Variants in SCARA5 observed in about 807,000 individuals in gnomAD.
The protein encoded by SCARA5 is scavenger receptor class A, member 5 (putative).
SCARA5 carries 45 observed loss-of-function variants against 46.3 expected under a neutral mutation model. The ratio of observed to expected loss-of-function variants is 0.97; its 90% CI spans 0.76 to 1.24. SCARA5 has a LOEUF of 1.24. Among genes scored for constraint, SCARA5 ranks in the 50% most tolerant of loss-of-function variants. The probability of loss-of-function intolerance (pLI) is 0.00; values close to 1 mark genes in which losing one functional copy is unlikely to be tolerated. For missense variants in SCARA5, 680 were observed against 689.0 expected, an observed-to-expected ratio of 0.99 and a Z score of 0.15; for synonymous variants, 333 against 306.5, an observed-to-expected ratio of 1.09 and a Z score of -0.90.
At position 27,919,989 on chromosome 8, in the gene SCARA5, G is replaced by A. The variant is rs182354590; in HGVS notation, c.916+1582C>T. Among the ~76,000 whole-genome samples, 154 of 151,440 alleles carry A rather than the reference G, an allele frequency of 1.0e-3. 4 individuals are homozygous for A. Among genetic ancestry groups the A allele is most frequent in the Non-Finnish European group, 1.2e-4 (8 of 67,912 alleles). ...GGGGAGCCACAGTGGGCTTTGAGCAGGGGGATGACGTGGGAGAAGTGCATT... is the reference window on the plus strand; with the variant it reads ...GGGGAGCCACAGTGGGCTTTGAGCAAGGGGATGACGTGGGAGAAGTGCATT... On this transcript the variant is annotated intron_variant, in intron 4 of 8. Coordinates refer to ENST00000354914, the MANE Select transcript of SCARA5 (RefSeq NM_173833.6).
chr8:27,872,160 G>A, intron 8 of SCARA5, 90 bp from the exon 9 acceptor site: 5 of 1,416,388 alleles, frequency 3.5e-6, no homozygotes, highest in Non-Finnish European at 4.9e-6. Context: ...CCTTGACTTG[G>A]CTCTGCTGTA....
At chr8:27,937,444 T>G (rs1469490232) in intron 3 of SCARA5, among the ~76,000 whole-genome samples, 1 of 152,186 alleles carries the variant, frequency 6.6e-6, no homozygotes, top group Non-Finnish European at 1.5e-5. Flanking sequence ...CCTGGGGGCA[T>G]GAGGCCCCAG....
intron 2 of SCARA5, among the ~76,000 whole-genome samples, chr8:27,978,332 G>A (rs1310915633): frequency 2.0e-5 from 3 of 151,804 alleles, no homozygotes; most frequent in African/African-American, 4.8e-5. Flanking sequence ...CACCTGGCCA[G>A]ATTCTTGTGT....
chr8:27,989,450 GA>G (rs1715271283), intron 1 of SCARA5, among the ~76,000 whole-genome samples: 1 of 152,120 alleles, frequency 6.6e-6, no homozygotes, highest in Non-Finnish European at 1.5e-5. Flanking sequence ...TTCATGACTT[GA>G]GCTTGGCCTC....
chr8:27,904,526 G>A (rs571126595), intron 7 of SCARA5: 45 of 556,624 alleles, frequency 8.1e-5, no homozygotes, highest in East Asian at 5.2e-4. Flanking sequence ...GCGAGTGACC[G>A]GGGGAAGCCT....
Position 27,879,567 on chromosome 8 carries a change from AC to A in SCARA5, c.1351+1del. 1 of 1,605,690 alleles carries A rather than the reference AC, an allele frequency of 6.2e-7. No homozygotes were observed. Among genetic ancestry groups the A allele is most frequent in the Non-Finnish European group, 8.5e-7 (1 of 1,179,830 alleles). On this transcript the variant is annotated splice_donor_variant, in intron 8 of 8. Transcript: ENST00000354914. LOFTEE classifies it high-confidence loss of function. ...ATGTTTTTTGCCCTCAGAGCGCCTTACCTTGCCCGAATCGAGCTGTGCGGTA... is the reference window on the plus strand; with the variant it reads ...ATGTTTTTTGCCCTCAGAGCGCCTTACTTGCCCGAATCGAGCTGTGCGGTA...
At chr8:27,940,527 C>A (rs1013291970) in intron 3 of SCARA5, among the ~76,000 whole-genome samples, 9 of 152,186 alleles carry the variant, frequency 5.9e-5, no homozygotes, top group East Asian at 1.9e-4. Flanking sequence ...GGCTTGTATG[C>A]ATATTTCTCA....
At chr8:27,916,679 A>C (rs1480042462) in intron 4 of SCARA5, among the ~76,000 whole-genome samples, 1 of 152,186 alleles carries the variant, frequency 6.6e-6, no homozygotes, top group Non-Finnish European at 1.5e-5. Context: ...ATACGTTCAG[A>C]TATACCAGCA....
Position 27,922,264 on chromosome 8 carries a change from G to A in SCARA5, c.242-19C>T, listed in dbSNP as rs1807610425. 2.0e-6 allele frequency: 3 copies of A among 1,498,702 alleles called. No individual in the cohort carries two copies. The African/African-American group carries it at 4.3e-5, about 21-fold the overall frequency. 92.8% of individuals were successfully genotyped at this position (1,498,702 alleles called of 1,614,324 possible). A position where few individuals can be genotyped will look rare whatever the true frequency, so the allele number is the denominator to read the frequency against. ...CTGGACACTGCGGAGGAGGAAGAGG[G>A]GAGACTTGAGCACCGCTGGGGAGGA... On this transcript the variant is annotated intron_variant, in intron 3 of 8. Coordinates refer to ENST00000354914, the MANE Select transcript of SCARA5 (RefSeq NM_173833.6).
intron 7 of SCARA5, among the ~76,000 whole-genome samples, chr8:27,885,581 G>T (rs1421162654): frequency 1.3e-5 from 2 of 152,210 alleles, no homozygotes; most frequent in African/African-American, 4.8e-5. Context: ...GCTGGCTGGA[G>T]GGCATGGCTC....
chr8:27,938,072 C>T (rs989971169), intron 3 of SCARA5, among the ~76,000 whole-genome samples: 4 of 152,016 alleles, frequency 2.6e-5, no homozygotes, highest in African/African-American at 4.8e-5. Flanking sequence ...GCAGTAACGG[C>T]GGGTGCCCAT....
chr8:27,882,665 A>G (rs144114670), intron 7 of SCARA5, among the ~76,000 whole-genome samples: 186 of 152,340 alleles, frequency 1.2e-3, no homozygotes, highest in African/African-American at 4.3e-3. Context: ...GCCACTTACT[A>G]TCTGCAACTG....
rs539047522 is a variant in SCARA5 at position 27,901,458 on chromosome 8, C to T, written c.1153+3320G>A. On this transcript the variant is annotated intron_variant, in intron 7 of 8. Coordinates refer to ENST00000354914, the MANE Select transcript of SCARA5 (RefSeq NM_173833.6). ...GATCCTACGGTGGGGCTTCCCAGGGCGCAGGGAATGACTAAGAAACCCTCA... is the reference window on the plus strand; with the variant it reads ...GATCCTACGGTGGGGCTTCCCAGGGTGCAGGGAATGACTAAGAAACCCTCA... Among the ~76,000 whole-genome samples, 61 of 152,206 alleles carry T rather than the reference C, an allele frequency of 4.0e-4. 1 individual carries two copies. The highest frequency in any genetic ancestry group is 1.2e-3 in the East Asian group (6 of 5,164).
At chr8:27,941,982 A>G (rs965949174) in intron 3 of SCARA5, among the ~76,000 whole-genome samples, 2 of 151,470 alleles carry the variant, frequency 1.3e-5, no homozygotes, top group African/African-American at 4.9e-5. Flanking sequence ...GTGCACCTTC[A>G]CACTCTGCTA....
At position 27,876,652 on chromosome 8, in the gene SCARA5, G is replaced by C. The variant is rs753839226; in HGVS notation, c.1351+2917C>G. Among the ~76,000 whole-genome samples, 3 of 152,150 alleles carry C rather than the reference G, an allele frequency of 2.0e-5. No individual in the cohort carries two copies. In the East Asian group the frequency reaches 5.8e-4, roughly 29 times the overall value. ...GAGTGCACCTGTCAGGAAGGTCACC[G>C]GACACTTGGGTCTGGAGCTCCACTG... On this transcript the variant is annotated intron_variant, in intron 8 of 8. Transcript: ENST00000354914.
intron 3 of SCARA5, among the ~76,000 whole-genome samples, chr8:27,949,598 A>G (rs1006311723): frequency 6.6e-6 from 1 of 152,218 alleles, no homozygotes; most frequent in Non-Finnish European, 1.5e-5. Context: ...CGCATAACTC[A>G]GCCTGGAAGC....
chr8:27,909,714 C>A lies in SCARA5; in HGVS notation c.946G>T (p.Asp316Tyr), dbSNP rs17058207. The A allele has an allele frequency of 1.3e-6, 2 of 1,550,936 alleles. No homozygotes were observed. Among genetic ancestry groups the A allele is most frequent in the Non-Finnish European group, 1.7e-6 (2 of 1,146,714 alleles). The part of the protein sequence containing the change: ...GPPGPKGDQG[D>Y]EGKEGRPGIP... ...CCAGGCCTGCCTTCCTTTCCTTCAT[C>A]CCCCTGATCACCTTTGGGTCCCGGT... The change falls in exon 5 of 9, where the codon GAT becomes TAT. Residue 316 changes from aspartate to tyrosine, a missense_variant. Coordinates refer to ENST00000354914, the MANE Select transcript of SCARA5 (RefSeq NM_173833.6).
At position 27,879,714 on chromosome 8, in the gene SCARA5, G is replaced by A. The variant is rs749653729; in HGVS notation, c.1206C>T (p.His402=). Residue 402 remains histidine, a synonymous_variant, in exon 8 of 9, where the codon CAC becomes CAT. Transcript: ENST00000354914. ...CGTGGTACACTTCCACGCGGCCCTCGTGCGGACCTGAGCCATTCACCAGGC... is the reference window on the plus strand; with the variant it reads ...CGTGGTACACTTCCACGCGGCCCTCATGCGGACCTGAGCCATTCACCAGGC... ...MIRLVNGSGP[H]EGRVEVYHDR... 3.1e-6 allele frequency: 5 copies of A among 1,612,984 alleles called. No homozygotes were observed. Among genetic ancestry groups the A allele is most frequent in the Non-Finnish European group, 2.5e-6 (3 of 1,180,002 alleles).
At chr8:27,932,873 C>T (rs1807798470) in intron 3 of SCARA5, among the ~76,000 whole-genome samples, 5 of 152,210 alleles carry the variant, frequency 3.3e-5, no homozygotes, top group South Asian at 4.1e-4. Context: ...TCAGATGATC[C>T]GCCCATCTCG....
Sources: gnomAD v4.1 joint callset for allele counts (sites outside exome capture counted in the v4.1 genomes callset) on GRCh38, gnomAD v4.1.1 for gene constraint, MANE v1.5 for transcripts, NCBI Gene and HGNC (gene_info 2026-07-23, HGNC 2026-07-21) for gene names.